The following ELAPOR2 variants were observed in gnomAD, a reference collection of about 807,000 sequenced individuals.
ELAPOR2 encodes the protein endosome/lysosome-associated apoptosis and autophagy regulator family member 2.
Under a neutral mutation model 120.7 loss-of-function variants are expected in ELAPOR2, and 89 were observed. The ratio of observed to expected loss-of-function variants is 0.74; its 90% confidence interval spans 0.62 to 0.88. ELAPOR2 has a LOEUF of 0.88. Among genes scored for constraint, ELAPOR2 ranks in the 40% least tolerant of loss-of-function variants. ELAPOR2 has a pLI of 0.00. For missense variants in ELAPOR2, 1,134 were observed against 1,251.6 expected (o/e 0.91, Z 1.42); for synonymous variants, 444 against 444.9 (o/e 1.00, Z 0.03).
chr7:86,958,294 G>T (rs1182290660), intron 2 of ELAPOR2, among the ~76,000 whole-genome samples: 1 of 152,090 alleles, frequency 6.6e-6, no homozygotes, highest in Admixed American at 6.5e-5. Flanking sequence ...ACTTTACAAG[G>T]TTGTTGTAAT....
In ELAPOR2 at chr7:87,004,285, G is replaced by A. The variant is rs537517372; in HGVS notation, c.190-39261C>T. 3.9e-5 allele frequency among the ~76,000 whole-genome samples: 6 copies of A among 152,292 alleles called. No individual in the cohort carries two copies. The East Asian group carries it at 5.8e-4, about 15-fold the overall frequency. On this transcript the variant is annotated intron_variant, in intron 1 of 21. Transcript: ENST00000450689. ...TTTCCAAAATGAAGGCAAAATAGCC[G>A]CAGGCTAAAGATCAGCCCCCATTCA... is the stretch of plus-strand genomic sequence containing the variant.
chr7:86,909,600 A>G (rs1039820079), intron 16 of ELAPOR2, among the ~76,000 whole-genome samples: 7 of 152,138 alleles, frequency 4.6e-5, no homozygotes, highest in African/African-American at 1.7e-4. Flanking sequence ...TCATACTTAT[A>G]TATGAATTAA....
intron 18 of ELAPOR2, among the ~76,000 whole-genome samples, chr7:86,898,559 C>CATAAAAAAAAAAAAAAAAAAAAAAA (rs1788555627): frequency 1.5e-5 from 1 of 66,586 alleles, no homozygotes; most frequent in African/African-American, 5.2e-5. Context: ...ACACAATGAC[C>CATAAAAAAAAAAAAAAAAAAAAAAA]AAAAAAAAAA....
At chr7:86,926,569 G>C (rs1790075502) in intron 9 of ELAPOR2, among the ~76,000 whole-genome samples, 167 bp downstream of exon 9, 1 of 151,884 alleles carries the variant, frequency 6.6e-6, no homozygotes, top group Non-Finnish European at 1.5e-5. Flanking sequence ...CTATATTCAA[G>C]CCATCTATCT....
At chr7:87,001,159 A>G (rs1008642505) in intron 1 of ELAPOR2, among the ~76,000 whole-genome samples, 11 of 152,260 alleles carry the variant, frequency 7.2e-5, no homozygotes, top group Admixed American at 2.0e-4. Context: ...TGAGGAAGAA[A>G]GGAGGGAGAC....
rs375659576 is a variant in ELAPOR2 at position 86,904,814 on chromosome 7, C to T, written c.2558+2856G>A. 4.7e-4 allele frequency among the ~76,000 whole-genome samples: 72 copies of T among 152,274 alleles called. 1 individual carries two copies. Among genetic ancestry groups the T allele is most frequent in the African/African-American group, 1.7e-3 (70 of 41,560 alleles). On this transcript the variant is annotated intron_variant, in intron 18 of 21. Coordinates refer to ENST00000450689, the MANE Select transcript of ELAPOR2 (RefSeq NM_001142749.3). ...CCCAGGACACCAAGATATAAAACCC[C>T]AACCAACATTGCTACTGCTAAAGTA...
chr7:87,018,261 G>A (rs572502288), intron 1 of ELAPOR2, among the ~76,000 whole-genome samples: 25 of 151,908 alleles, frequency 1.6e-4, no homozygotes, highest in Admixed American at 2.6e-4. Context: ...GGCTGTTCTC[G>A]AACTCCTGAC....
At chr7:86,977,732 T>C (rs1428602844) in intron 1 of ELAPOR2, among the ~76,000 whole-genome samples, 1 of 152,220 alleles carries the variant, frequency 6.6e-6, no homozygotes, top group Non-Finnish European at 1.5e-5. Context: ...ACATATTCAG[T>C]ATGAAGAGTT....
At position 86,965,148 on chromosome 7, in the gene ELAPOR2, C is replaced by A. The variant is rs75354329; in HGVS notation, c.190-124G>T. Reference sequence around the variant, plus strand: ...CTCTCCTTGATTCTTATCCCTCCCCCATCCCACCCACACCAAGCAGCTTAT... The same window carrying A: ...CTCTCCTTGATTCTTATCCCTCCCCAATCCCACCCACACCAAGCAGCTTAT... On this transcript the variant is annotated intron_variant, in intron 1 of 21. Coordinates refer to ENST00000450689, the MANE Select transcript of ELAPOR2 (RefSeq NM_001142749.3). 4.8e-3 allele frequency: 4,351 copies of A among 908,928 alleles called. 137 individuals are homozygous for A. In the African/African-American group the frequency reaches 0.063, roughly 13 times the overall value. The allele number at this position is 908,928 out of a possible 1,614,324, so 56.3% of individuals were successfully genotyped here.
intron 1 of ELAPOR2, among the ~76,000 whole-genome samples, chr7:87,040,730 T>C (rs1794755922): frequency 1.3e-5 from 2 of 152,228 alleles, no homozygotes; most frequent in African/African-American, 2.4e-5. Flanking sequence ...AGGAACGCAG[T>C]TCCTCACCAG....
chr7:86,911,678 C>T (rs1222209206), intron 15 of ELAPOR2: 2 of 458,836 alleles, frequency 4.4e-6, no homozygotes, highest in African/African-American at 2.0e-5. Context: ...CAAGCTTCCT[C>T]TTGAAAGTCT....
intron 12 of ELAPOR2, among the ~76,000 whole-genome samples, chr7:86,915,377 G>A (rs1789524003): frequency 6.6e-6 from 1 of 151,890 alleles, no homozygotes; most frequent in African/African-American, 2.4e-5. Context: ...ATGTTAAGCA[G>A]AATGTTATTT....
rs1788173743 is a variant in ELAPOR2, at chr7:86,891,846, T to C, written c.2908A>G (p.Lys970Glu). The change falls in exon 21 of 22, where the codon AAA (lysine) becomes GAA (glutamate). Residue 970 changes from lysine (K) to glutamate (E), a missense_variant. Physicochemically the swap from Lys to Glu is moderately conservative, Grantham distance 56. Coordinates refer to ENST00000450689, the MANE Select transcript of ELAPOR2 (RefSeq NM_001142749.3). The part of the protein sequence containing the change: ...YSKLVMTTNS[K>E]ECELPAADSC... ...TCTGCAGCCGGGAGTTCACACTCTTTTGAGTTAGTCGTCATTACTAACTTG... is the reference window on the plus strand; with the variant it reads ...TCTGCAGCCGGGAGTTCACACTCTTCTGAGTTAGTCGTCATTACTAACTTG... 5 of 1,611,110 alleles carry C rather than the reference T, an allele frequency of 3.1e-6. No individual in the cohort carries two copies. Among genetic ancestry groups the C allele is most frequent in the Non-Finnish European group, 4.2e-6 (5 of 1,178,280 alleles).
chr7:87,043,341 A>G (rs1198655076), intron 1 of ELAPOR2, among the ~76,000 whole-genome samples: 1 of 151,074 alleles, frequency 6.6e-6, no homozygotes, highest in Non-Finnish European at 1.5e-5. Context: ...TCCTTGATGA[A>G]CATTGATGCA....
At chr7:86,927,014 A>G (rs746172508) in intron 8 of ELAPOR2, 98 bp from the exon 9 acceptor site, 148 of 1,123,170 alleles carry the variant, frequency 1.3e-4, no homozygotes, top group Non-Finnish European at 1.8e-5. Context: ...AAATGGTGAC[A>G]GAATAGAAGG....
intron 1 of ELAPOR2, among the ~76,000 whole-genome samples, chr7:86,997,669 C>T (rs1346648800): frequency 6.6e-6 from 1 of 152,120 alleles, no homozygotes; most frequent in Non-Finnish European, 1.5e-5. Flanking sequence ...ACTGATTACA[C>T]CCCTGAGTCT....
intron 18 of ELAPOR2, among the ~76,000 whole-genome samples, chr7:86,902,534 G>GAT (rs1304816399): frequency 6.6e-6 from 1 of 152,114 alleles, no homozygotes; most frequent in Non-Finnish European, 1.5e-5. Context: ...ACCATGAGCT[G>GAT]ATAACCTCCC....
At chr7:86,936,483 C>T (rs1289055029) in intron 8 of ELAPOR2, among the ~76,000 whole-genome samples, 2 of 152,088 alleles carry the variant, frequency 1.3e-5, no homozygotes, top group Non-Finnish European at 2.9e-5. Flanking sequence ...TATATTATTT[C>T]ACTAAGTCCC....
chr7:86,927,310 CAACA>C (rs1198977656), intron 8 of ELAPOR2, among the ~76,000 whole-genome samples: 1 of 151,942 alleles, frequency 6.6e-6, no homozygotes, highest in Non-Finnish European at 1.5e-5. Flanking sequence ...TCCTTTCCTC[CAACA>C]GCACATTTCA....
Sources: gnomAD v4.1 joint callset for allele counts (sites outside exome capture counted in the v4.1 genomes callset) on GRCh38, gnomAD v4.1.1 for gene constraint, MANE v1.5 for transcripts, NCBI Gene and HGNC (gene_info 2026-07-23, HGNC 2026-07-21) for gene names.